Variants in NSMCE4A observed in about 807,000 individuals in gnomAD.
NSMCE4A encodes non-structural maintenance of chromosomes element 4 homolog A.
Under a neutral mutation model 47.9 loss-of-function variants are expected in NSMCE4A, and 40 were observed. The ratio of observed to expected loss-of-function variants is 0.83; its 90% confidence interval spans 0.65 to 1.09. The LOEUF is 1.09. NSMCE4A is among the 50% of genes least tolerant of loss of function. NSMCE4A has a pLI of 0.00. For missense variants in NSMCE4A, 500 were observed against 507.0 expected, an observed-to-expected ratio of 0.99 and a Z score of 0.13; for synonymous variants, 166 against 178.5, an observed-to-expected ratio of 0.93 and a Z score of 0.56.
intron 4 of NSMCE4A, 175 bp downstream of exon 4, chr10:121,967,480 G>A (rs1952628316): frequency 3.2e-6 from 2 of 629,880 alleles, no homozygotes; most frequent in African/African-American, 3.8e-5. Context: ...TTACAGGCAT[G>A]AGCCACCACA....
intron 3 of NSMCE4A, 60 bp downstream of exon 3, chr10:121,970,879 T>C: frequency 7.0e-7 from 1 of 1,419,908 alleles, no homozygotes; most frequent in Non-Finnish European, 9.5e-7. Flanking sequence ...ATGAGCACAG[T>C]AAATAATTAT....
At chr10:121,973,599 G>A (rs1278310615) in intron 2 of NSMCE4A, among the ~76,000 whole-genome samples, 3 of 152,160 alleles carry the variant, frequency 2.0e-5, no homozygotes, top group Non-Finnish European at 4.4e-5. Flanking sequence ...ATAGCAGGGA[G>A]CTGAGGAAGG....
intron 10 of NSMCE4A, among the ~76,000 whole-genome samples, chr10:121,958,971 C>T (rs534418916): frequency 6.6e-6 from 1 of 152,094 alleles, no homozygotes; most frequent in South Asian, 2.1e-4. Context: ...CATGCCACCA[C>T]GCCCAGCTAA....
In NSMCE4A at chr10:121,973,034, C is replaced by T. The variant is rs544534717; in HGVS notation, c.370+970G>A. Reference sequence around the variant, plus strand: ...GGTGGATTACCTGAGGTCAGGAGTTCGAGACCAGCCTGGCCAACATGGCGA... The same window carrying T: ...GGTGGATTACCTGAGGTCAGGAGTTTGAGACCAGCCTGGCCAACATGGCGA... On this transcript the variant is annotated intron_variant, in intron 2 of 10. Transcript: ENST00000369023. Among the ~76,000 whole-genome samples, 7 of 152,100 alleles carry T rather than the reference C, an allele frequency of 4.6e-5. No individual in the cohort carries two copies. In the East Asian group the frequency reaches 5.8e-4, roughly 13 times the overall value.
At chr10:121,970,839 A>C (rs984940765) in intron 3 of NSMCE4A, 100 bp downstream of exon 3, 35 of 1,086,288 alleles carry the variant, frequency 3.2e-5, no homozygotes, top group Non-Finnish European at 4.4e-5. Context: ...CCAAAAAAGA[A>C]GAATGAAGTG....
rs1952496765 is a variant in NSMCE4A, at chr10:121,961,496, A to G, written c.866T>C (p.Phe289Ser). 1 of 1,566,608 alleles carries G rather than the reference A, an allele frequency of 6.4e-7. No individual in the cohort carries two copies. Among genetic ancestry groups the G allele is most frequent in the African/African-American group, 1.4e-5 (1 of 71,364 alleles). ...REDPDTPMSF[F>S]DFVVDPHSFP... The stretch of plus-strand genomic sequence containing the variant: ...AGAATGAGGATCAACCACAAAGTCA[A>G]AGAAGGACATTGGGGTATCAGCTAT... Residue 289 changes from phenylalanine to serine, a missense_variant, in exon 7 of 11, where the codon TTT becomes TCT. Phe to Ser is a radical substitution (Grantham distance 155). Transcript: ENST00000369023.
rs1038750541 is a variant in NSMCE4A at position 121,960,380 on chromosome 10, G to A, written c.966C>T (p.Asp322=). Residue 322 remains aspartate (D), a synonymous_variant, in exon 8 of 11, where the codon GAC becomes GAT. Transcript: ENST00000369023. The surrounding 1 kb of genome is among the most constrained non-coding windows in gnomAD (Gnocchi z 4.2). The part of the protein sequence containing the change: ...IRDGFARIRL[D]QDRLPVIEPV... ...TACCTATTACTGGCAGTCGGTCTTGGTCAAGTCTTATTCTTGCAAAACCAT... is the reference window on the plus strand; with the variant it reads ...TACCTATTACTGGCAGTCGGTCTTGATCAAGTCTTATTCTTGCAAAACCAT... The A allele has an allele frequency of 2.0e-6, 3 of 1,499,162 alleles. No homozygotes were observed. The highest frequency in any genetic ancestry group is 2.6e-6 in the Non-Finnish European group (3 of 1,137,262). The allele number at this position is 1,499,162 out of a possible 1,614,324, so 92.9% of individuals were successfully genotyped here.
chr10:121,959,619 A>G (rs1265450061), intron 8 of NSMCE4A, 24 bp from the exon 9 acceptor site: 13 of 1,554,326 alleles, frequency 8.4e-6, no homozygotes, highest in Non-Finnish European at 1.2e-5. Flanking sequence ...AAATTTTTCA[A>G]ATTTATCAAA....
rs149182759 is a variant in NSMCE4A at position 121,967,784 on chromosome 10, G to A, written c.524C>T (p.Pro175Leu). ...ACGGATGAGTTCTTCAGCTTCTAGC[G>A]GATTTACACCCATATGTGTGAGCTA... The part of the protein sequence containing the change: ...ETLLTHMGVN[P>L]LEAEELIRDE... Residue 175 changes from proline to leucine, a missense_variant, in exon 4 of 11, where the codon CCG becomes CTG. By Grantham distance (98) the Pro-to-Leu change is moderately conservative (BLOSUM62 -3). Transcript: ENST00000369023. 1.2e-4 allele frequency: 186 copies of A among 1,612,588 alleles called. No homozygotes were observed. The highest frequency in any genetic ancestry group is 6.0e-4 in the Admixed American group (36 of 59,696).
chr10:121,966,494 T>C (rs1472594863), intron 4 of NSMCE4A: 1 of 152,206 alleles, frequency 6.6e-6, no homozygotes, highest in Non-Finnish European at 1.5e-5. Context: ...TATCCTAAGA[T>C]GAAGAAGTTT....
chr10:121,961,534 A>G lies in NSMCE4A; in HGVS notation c.845-17T>C, dbSNP rs1439232886. 1.4e-6 allele frequency: 2 copies of G among 1,480,732 alleles called. No individual in the cohort carries two copies. The highest frequency in any genetic ancestry group is 1.3e-5 in the South Asian group (1 of 75,972). 91.7% of individuals were successfully genotyped at this position (1,480,732 alleles called of 1,614,324 possible). A position where few individuals can be genotyped will look rare whatever the true frequency, so the allele number is the denominator to read the frequency against. ...GGGTATCAGCTATAGACAAAAAGAGAAAAAAAAATTGATTTTTGCTTGTCA... is the reference window on the plus strand; with the variant it reads ...GGGTATCAGCTATAGACAAAAAGAGGAAAAAAAATTGATTTTTGCTTGTCA... On this transcript the variant is annotated splice_polypyrimidine_tract_variant and intron_variant, in intron 6 of 10. Coordinates refer to ENST00000369023, the MANE Select transcript of NSMCE4A (RefSeq NM_017615.3).
rs758723771 is a variant in NSMCE4A at position 121,960,416 on chromosome 10, A to G, written c.940-10T>C. On this transcript the variant is annotated splice_polypyrimidine_tract_variant and intron_variant, in intron 7 of 10. Coordinates refer to ENST00000369023, the MANE Select transcript of NSMCE4A (RefSeq NM_017615.3). The surrounding 1 kb of genome is among the most constrained non-coding windows in gnomAD (Gnocchi z 4.2). The stretch of plus-strand genomic sequence containing the variant: ...TTCTTGCAAAACCATCCTAAAACGA[A>G]AACATGATTTTAGGAGAAGACAAAC... 1 of 1,506,272 alleles carries G rather than the reference A, an allele frequency of 6.6e-7. No homozygotes were observed. The highest frequency in any genetic ancestry group is 1.4e-5 in the South Asian group (1 of 71,550). 93.3% of individuals were successfully genotyped at this position (1,506,272 alleles called of 1,614,324 possible).
rs118146804 is a variant in NSMCE4A at position 121,965,688 on chromosome 10, T to A, written c.654-303A>T. The A allele has an allele frequency of 5.9e-4, 159 of 269,990 alleles. 1 individual carries two copies. The East Asian group carries it at 0.01, about 18-fold the overall frequency. The allele number at this position is 269,990 out of a possible 1,614,324, so 16.7% of individuals were successfully genotyped here. A position where few individuals can be genotyped will look rare whatever the true frequency, so the allele number is the denominator to read the frequency against. The stretch of plus-strand genomic sequence containing the variant: ...GACATCTTCCCACCACCCAACCTAT[T>A]GTTTTGCAAAGCCAACTTCTAAGAG... On this transcript the variant is annotated intron_variant, in intron 4 of 10. Coordinates refer to ENST00000369023, the MANE Select transcript of NSMCE4A (RefSeq NM_017615.3).
intron 10 of NSMCE4A, among the ~76,000 whole-genome samples, chr10:121,959,104 C>G (rs539337723): frequency 1.0e-3 from 154 of 152,350 alleles, no homozygotes; most frequent in Middle Eastern, 3.4e-3. Context: ...TGAGCCACCA[C>G]GCCTGGCCTC....
chr10:121,971,374 G>A (rs1952707881), intron 2 of NSMCE4A, among the ~76,000 whole-genome samples: 1 of 152,158 alleles, frequency 6.6e-6, no homozygotes, highest in Non-Finnish European at 1.5e-5. Context: ...GCAGGGCGTG[G>A]TGGCGGGCGC....
rs1252992747 is a variant in NSMCE4A, at chr10:121,974,818, G to C, written c.292+56C>G. 2.4e-6 allele frequency: 3 copies of C among 1,269,728 alleles called. No individual in the cohort carries two copies. In the African/African-American group the frequency reaches 4.7e-5, roughly 20 times the overall value. The allele number at this position is 1,269,728 out of a possible 1,614,324, so 78.7% of individuals were successfully genotyped here. A position where few individuals can be genotyped will look rare whatever the true frequency, so the allele number is the denominator to read the frequency against. On this transcript the variant is annotated intron_variant, in intron 1 of 10. Transcript: ENST00000369023. The stretch of plus-strand genomic sequence containing the variant: ...CCGGTGCCCTCCCCCCGCGCCCGGC[G>C]CAGGGCGGGGACAGCGGCCCGTCCG...
intron 5 of NSMCE4A, among the ~76,000 whole-genome samples, chr10:121,964,359 G>A (rs532198745): frequency 6.6e-6 from 1 of 152,176 alleles, no homozygotes; most frequent in East Asian, 2.0e-4. Flanking sequence ...TGGCCAGGCT[G>A]GTTTCTAACT....
In NSMCE4A at chr10:121,970,014, C is replaced by A. The variant is rs1162417559; in HGVS notation, c.501+925G>T. On this transcript the variant is annotated intron_variant, in intron 3 of 10. Transcript: ENST00000369023. ...TACAGGCGTGAGCCACTGCCCCCAG[C>A]CAGAATAGAATTTTTTAAAAAGACA... 2.0e-5 allele frequency among the ~76,000 whole-genome samples: 3 copies of A among 152,098 alleles called. No individual in the cohort carries two copies. In the East Asian group the frequency reaches 5.8e-4, roughly 29 times the overall value.
At chr10:121,965,600 C>T (rs1038204420) in intron 4 of NSMCE4A, among the ~76,000 whole-genome samples, 1 of 152,208 alleles carries the variant, frequency 6.6e-6, no homozygotes, top group South Asian at 2.1e-4. Flanking sequence ...CTTTACTCAA[C>T]CACAGATACC....
Sources: gnomAD v4.1 joint callset for allele counts (sites outside exome capture counted in the v4.1 genomes callset) on GRCh38, gnomAD v4.1.1 for gene constraint, Gnocchi (gnomAD v3.1) non-coding constraint, MANE v1.5 for transcripts, NCBI Gene and HGNC (gene_info 2026-07-23, HGNC 2026-07-21) for gene names.